The following SACM1L variants were observed in gnomAD, a reference collection of about 807,000 sequenced individuals.
SACM1L encodes the protein SAC1 like phosphatidylinositide phosphatase.
A neutral mutation model predicts 89.5 loss-of-function variants in SACM1L; 32 were observed. That is an observed-to-expected ratio of 0.36 (90% confidence interval 0.27 to 0.48). The LOEUF (loss-of-function observed/expected upper bound fraction) is 0.48. Ranked by LOEUF, SACM1L falls within the 20% of genes least tolerant of loss-of-function variation. The probability of loss-of-function intolerance (pLI) is 0.99; values close to 1 mark genes in which losing one functional copy is unlikely to be tolerated. For synonymous variants in SACM1L, 213 were observed against 232.8 expected, an observed-to-expected ratio of 0.92 and a Z score of 0.77; for missense variants, 543 against 708.5, an observed-to-expected ratio of 0.77 and a Z score of 2.65.
chr3:45,725,049 G>A (rs755140980), intron 11 of SACM1L, among the ~76,000 whole-genome samples: 31 of 152,128 alleles, frequency 2.0e-4, no homozygotes, highest in Non-Finnish European at 4.3e-4. Flanking sequence ...CTCCGTGTCT[G>A]TCCTTATGAC....
At chr3:45,714,170 A>G (rs1559542706) in intron 7 of SACM1L, 91 bp downstream of exon 7, 3 of 635,162 alleles carry the variant, frequency 4.7e-6, no homozygotes, top group Non-Finnish European at 7.7e-6. Context: ...CAAATACTCC[A>G]TAAGGAGAGT....
chr3:45,731,270 TG>T, intron 11 of SACM1L, 30 bp from the exon 12 acceptor site: 1 of 1,465,768 alleles, frequency 6.8e-7, no homozygotes, highest in Non-Finnish European at 9.5e-7. Context: ...TGAAATAAAC[TG>T]GAAACTATGG....
At chr3:45,701,465 G>T (rs1200203458) in intron 1 of SACM1L, among the ~76,000 whole-genome samples, 1 of 152,108 alleles carries the variant, frequency 6.6e-6, no homozygotes, top group Non-Finnish European at 1.5e-5. Flanking sequence ...CACTTGGAAT[G>T]CAACTTGTGC....
At chr3:45,734,854 A>T (rs186577384) in intron 13 of SACM1L, 37 of 159,572 alleles carry the variant, frequency 2.3e-4, no homozygotes, top group Non-Finnish European at 4.2e-4. Context: ...TTCTAAAGAT[A>T]GTATATGAAT....
At chr3:45,730,534 C>T (rs900064402) in intron 11 of SACM1L, 6 of 152,230 alleles carry the variant, frequency 3.9e-5, no homozygotes, top group African/African-American at 1.2e-4. Flanking sequence ...CCCTGTCCCC[C>T]ATTCTTTGCA....
In SACM1L at chr3:45,724,897, T is replaced by C. The variant is rs539727762; in HGVS notation, c.921+1354T>C. On this transcript the variant is annotated intron_variant, in intron 11 of 19. Transcript: ENST00000389061. ...TAGGTGTAAGGGTCCAACTTCATTC[T>C]TTTGCATATGGCTATCCAGTTTTCC... 2.0e-5 allele frequency among the ~76,000 whole-genome samples: 3 copies of C among 152,310 alleles called. No individual in the cohort carries two copies. The South Asian group carries it at 6.2e-4, about 32-fold the overall frequency.
chr3:45,729,615 A>G (rs1038869876), intron 11 of SACM1L, among the ~76,000 whole-genome samples: 3 of 152,214 alleles, frequency 2.0e-5, no homozygotes, highest in African/African-American at 7.2e-5. Flanking sequence ...CATTTAAAAT[A>G]TATGATCCCA....
At chr3:45,740,316 A>G (rs1442605441) in intron 19 of SACM1L, among the ~76,000 whole-genome samples, 1 of 152,218 alleles carries the variant, frequency 6.6e-6, no homozygotes, top group Admixed American at 6.5e-5. Context: ...TCTTTGTCCC[A>G]TACCTGTGAA....
chr3:45,708,495 C>T (rs1254079208), intron 4 of SACM1L, among the ~76,000 whole-genome samples: 4 of 151,888 alleles, frequency 2.6e-5, no homozygotes, highest in Non-Finnish European at 5.9e-5. Context: ...TTAGGATAAA[C>T]ATTTTAAAAA....
intron 1 of SACM1L, among the ~76,000 whole-genome samples, chr3:45,697,847 G>C (rs1446477796): frequency 6.6e-6 from 1 of 152,104 alleles, no homozygotes; most frequent in Non-Finnish European, 1.5e-5. Context: ...TATAGGACCA[G>C]AACCCTTTTT....
At chr3:45,713,061 T>G in intron 5 of SACM1L, 76 bp from the exon 6 acceptor site, 2 of 1,189,444 alleles carry the variant, frequency 1.7e-6, no homozygotes, top group Non-Finnish European at 1.2e-6. Flanking sequence ...AAAGAGACAT[T>G]GATTGGTGTA....
At chr3:45,742,032 T>C (rs183025522) in intron 19 of SACM1L, among the ~76,000 whole-genome samples, 35 of 152,300 alleles carry the variant, frequency 2.3e-4, no homozygotes, top group African/African-American at 8.2e-4. Context: ...CACTCTACTG[T>C]TAAATTAGTT....
At chr3:45,705,017 C>A in intron 2 of SACM1L, 118 bp from the exon 3 acceptor site, 1 of 638,104 alleles carries the variant, frequency 1.6e-6, no homozygotes. Flanking sequence ...TGTTGCTTTT[C>A]TTAGAACAAA....
At chr3:45,702,727 T>G (rs113653158) in intron 1 of SACM1L, among the ~76,000 whole-genome samples, 1 of 152,244 alleles carries the variant, frequency 6.6e-6, no homozygotes, top group African/African-American at 2.4e-5. Flanking sequence ...AGAAACCAAC[T>G]GTTATTTTTG....
At position 45,709,515 on chromosome 3, in the gene SACM1L, C is replaced by T; in HGVS notation, c.351C>T (p.Thr117=). 1 of 1,610,348 alleles carries T rather than the reference C, an allele frequency of 6.2e-7. No homozygotes were observed. Among genetic ancestry groups the T allele is most frequent in the Non-Finnish European group, 8.5e-7 (1 of 1,178,574 alleles). Residue 117 remains threonine (T), a synonymous_variant, in exon 5 of 20, where the codon ACC becomes ACT. Coordinates refer to ENST00000389061, the MANE Select transcript of SACM1L (RefSeq NM_014016.5). ...GTTTATAGTTACAAGATAATAAAAC[C>T]TTCCTAGCGATGCTAAACCATGTCT... ...LTDIQLQDNK[T]FLAMLNHVLN... is the part of the protein sequence containing the mutation.
chr3:45,710,865 A>G (rs1348090630), intron 5 of SACM1L, among the ~76,000 whole-genome samples: 1 of 152,208 alleles, frequency 6.6e-6, no homozygotes, highest in African/African-American at 2.4e-5. Context: ...CTAAGCATTC[A>G]AGAAACTTGG....
At chr3:45,696,672 A>G (rs1039441198) in intron 1 of SACM1L, among the ~76,000 whole-genome samples, 1 of 151,926 alleles carries the variant, frequency 6.6e-6, no homozygotes, top group Non-Finnish European at 1.5e-5. Context: ...CTTCTAGATA[A>G]TAGCCATTTT....
chr3:45,717,487 G>A lies in SACM1L; in HGVS notation c.578-2013G>A, dbSNP rs531626749. On this transcript the variant is annotated intron_variant, in intron 7 of 19. Transcript: ENST00000389061. ...TTACTTCTAGGTGAGAACACAATTG[G>A]ATAAAATAGGGAAGGAGCAGATAAA... 1.3e-5 allele frequency among the ~76,000 whole-genome samples: 2 copies of A among 152,322 alleles called. 1 individual carries two copies. Among genetic ancestry groups the A allele is most frequent in the South Asian group, 4.1e-4 (2 of 4,828 alleles).
At chr3:45,731,734 A>G (rs191359769) in intron 12 of SACM1L, among the ~76,000 whole-genome samples, 2 of 152,170 alleles carry the variant, frequency 1.3e-5, no homozygotes, top group East Asian at 1.9e-4. Flanking sequence ...CTTCACTACC[A>G]TTTGTTGTGT....
Sources: gnomAD v4.1 joint callset for allele counts (sites outside exome capture counted in the v4.1 genomes callset) on GRCh38, gnomAD v4.1.1 for gene constraint, MANE v1.5 for transcripts, NCBI Gene and HGNC (gene_info 2026-07-23, HGNC 2026-07-21) for gene names.